ANKRD36: variants seen among roughly 807,000 people sequenced by gnomAD.
The protein encoded by ANKRD36 is ankyrin repeat domain-containing protein 36A.
In ANKRD36, 179 loss-of-function variants were observed where a neutral mutation model predicts 278.1. The observed-to-expected ratio is 0.64, with a 90% CI of 0.57 to 0.73. ANKRD36 has a LOEUF of 0.73. ANKRD36 is among the 30% of genes least tolerant of loss of function. ANKRD36 has a pLI of 0.00. For missense variants in ANKRD36, 1,159 were observed against 1,956.7 expected (o/e 0.59, Z 7.69); for synonymous variants, 320 against 641.1 (o/e 0.50, Z 7.57).
At chr2:97,128,319 G>GAA (rs1307309814) in intron 6 of ANKRD36, among the ~76,000 whole-genome samples, 1 of 151,588 alleles carries the variant, frequency 6.6e-6, no homozygotes, top group African/African-American at 2.4e-5. Context: ...CAACCCCCAG[G>GAA]AAAAAAAGAG....
Position 97,196,863 on chromosome 2 carries a change from G to A in ANKRD36, c.2653+75G>A, listed in dbSNP as rs577857986. 159 of 1,533,444 alleles carry A rather than the reference G, an allele frequency of 1.0e-4. 1 individual carries two copies. The highest frequency in any genetic ancestry group is 6.6e-4 in the East Asian group (27 of 40,680). 95.0% of individuals were successfully genotyped at this position (1,533,444 alleles called of 1,614,324 possible). On this transcript the variant is annotated intron_variant, in intron 42 of 75. Coordinates refer to ENST00000420699, the MANE Select transcript of ANKRD36 (RefSeq NM_001354587.1). ...AGTTCTCTTCCCCAAATAAATCAGC[G>A]GGGGGCTCATCGAAGCTGCACTTTC...
intron 12 of ANKRD36, among the ~76,000 whole-genome samples, chr2:97,150,819 C>A (rs989669558): frequency 1.3e-5 from 2 of 152,162 alleles, no homozygotes; most frequent in Admixed American, 6.5e-5. Context: ...ATTACTCTTT[C>A]AAATTCTGAA....
intron 17 of ANKRD36, among the ~76,000 whole-genome samples, chr2:97,160,067 G>T (rs2048490234): frequency 6.6e-6 from 1 of 152,262 alleles, no homozygotes; most frequent in Non-Finnish European, 1.5e-5. Flanking sequence ...ACAGGCGTGA[G>T]CCACCACGCC....
chr2:97,195,063 T>G, intron 40 of ANKRD36, 146 bp downstream of exon 40: 1 of 1,263,198 alleles, frequency 7.9e-7, no homozygotes, highest in Non-Finnish European at 1.1e-6. Flanking sequence ...TCTTGGGTTA[T>G]GCTGATGCTA....
chr2:97,147,789 G>T (rs2044678901), intron 11 of ANKRD36, among the ~76,000 whole-genome samples: 1 of 151,818 alleles, frequency 6.6e-6, no homozygotes, highest in East Asian at 2.0e-4. Flanking sequence ...CTCTTAGTTT[G>T]ATAGAAATGA....
intron 24 of ANKRD36, among the ~76,000 whole-genome samples, chr2:97,180,806 A>G (rs2055963861): frequency 6.6e-6 from 1 of 151,704 alleles, no homozygotes; most frequent in South Asian, 2.1e-4. Context: ...ATTAACTCCT[A>G]AAGTGGTGAT....
chr2:97,181,163 T>C (rs2056096360), intron 24 of ANKRD36, among the ~76,000 whole-genome samples: 1 of 151,620 alleles, frequency 6.6e-6, no homozygotes, highest in African/African-American at 2.4e-5. Flanking sequence ...TACCTCCTAG[T>C]TATTGGGCAA....
At chr2:97,176,742 A>C (rs1247007561) in intron 22 of ANKRD36, among the ~76,000 whole-genome samples, 2 of 151,606 alleles carry the variant, frequency 1.3e-5, no homozygotes, top group African/African-American at 4.8e-5. Flanking sequence ...ACATTTTGGC[A>C]TGATTTTGCA....
At chr2:97,146,596 C>T (rs2044329526) in intron 11 of ANKRD36, 80 bp downstream of exon 11, 15 of 1,288,724 alleles carry the variant, frequency 1.2e-5, no homozygotes, top group Non-Finnish European at 1.6e-5. Context: ...ATTTAGTGTT[C>T]TCCTCTGTGC....
intron 22 of ANKRD36, among the ~76,000 whole-genome samples, chr2:97,173,519 TAAAGC>T: frequency 6.6e-6 from 1 of 151,828 alleles, no homozygotes; most frequent in East Asian, 1.9e-4. Flanking sequence ...AACATTTTAA[TAAAGC>T]AAAACCTTAT....
At chr2:97,209,905 A>G in intron 56 of ANKRD36, 33 bp downstream of exon 56, 1 of 1,548,588 alleles carries the variant, frequency 6.5e-7, no homozygotes. Flanking sequence ...TGTCATGTTC[A>G]GTCCAGATAG....
intron 8 of ANKRD36, among the ~76,000 whole-genome samples, chr2:97,143,332 G>C (rs1472821134): frequency 6.6e-6 from 1 of 151,978 alleles, no homozygotes; most frequent in Non-Finnish European, 1.5e-5. Context: ...TGTTATTTAT[G>C]TAATTTTGGG....
chr2:97,126,580 T>C (rs1030482029), intron 5 of ANKRD36, among the ~76,000 whole-genome samples: 1 of 151,934 alleles, frequency 6.6e-6, no homozygotes, highest in Non-Finnish European at 1.5e-5. Flanking sequence ...AAAATACACA[T>C]TGGGTTTGAT....
At chr2:97,226,740 A>G in intron 67 of ANKRD36, among the ~76,000 whole-genome samples, 1 of 151,488 alleles carries the variant, frequency 6.6e-6, no homozygotes, top group Non-Finnish European at 1.5e-5. Flanking sequence ...GTTTTCTTCT[A>G]GGGTTTTTAT....
At chr2:97,221,144 A>G (rs1431049900) in intron 66 of ANKRD36, among the ~76,000 whole-genome samples, 2 of 137,236 alleles carry the variant, frequency 1.5e-5, no homozygotes, top group Non-Finnish European at 3.0e-5. Flanking sequence ...TCCATGGCAT[A>G]TATGTGCCAC....
chr2:97,207,044 G>T lies in ANKRD36; in HGVS notation c.3164-767G>T, dbSNP rs796405087. Among the ~76,000 whole-genome samples the T allele has an allele frequency of 2.6e-5, 4 of 151,542 alleles. No individual in the cohort carries two copies. In the South Asian group the frequency reaches 8.3e-4, roughly 32 times the overall value. ...ATGAATATTGCAGTGATTTCTGAAT[G>T]AAAAACTGATCAATATCTAATGCTT... On this transcript the variant is annotated intron_variant, in intron 52 of 75. Coordinates refer to ENST00000420699, the MANE Select transcript of ANKRD36 (RefSeq NM_001354587.1).
chr2:97,201,921 C>G (rs1460670690), intron 46 of ANKRD36, among the ~76,000 whole-genome samples: 1 of 151,882 alleles, frequency 6.6e-6, no homozygotes, highest in Admixed American at 6.6e-5. Context: ...GTTCTCATCA[C>G]TCGGCATATC....
Position 97,115,863 on chromosome 2 carries a change from A to G in ANKRD36, c.197+1927A>G, listed in dbSNP as rs1061555. Among the ~76,000 whole-genome samples, 1,005 of 150,898 alleles carry G rather than the reference A, an allele frequency of 6.7e-3. 51 individuals carry two copies. In the East Asian group the frequency reaches 0.11, roughly 16 times the overall value. On this transcript the variant is annotated intron_variant, in intron 1 of 75. Coordinates refer to ENST00000420699, the MANE Select transcript of ANKRD36 (RefSeq NM_001354587.1). ...TTTCTCAGCACTGCTTAAAATAGCA[A>G]TGTATTTGGAAAACCCCTTATAATG... is the stretch of plus-strand genomic sequence containing the variant.
chr2:97,122,669 G>A (rs1443550545), intron 3 of ANKRD36, among the ~76,000 whole-genome samples: 1 of 150,238 alleles, frequency 6.7e-6, no homozygotes, highest in African/African-American at 2.4e-5. Flanking sequence ...AGTGAGTTTT[G>A]GAGATGACCA....
Sources: gnomAD v4.1 joint callset for allele counts (sites outside exome capture counted in the v4.1 genomes callset) on GRCh38, gnomAD v4.1.1 for gene constraint, MANE v1.5 for transcripts, NCBI Gene and HGNC (gene_info 2026-07-23, HGNC 2026-07-21) for gene names.